The following MAGED1 variants were observed in gnomAD, a reference collection of about 807,000 sequenced individuals.
MAGED1 encodes the protein MAGE family member D1, also known as melanoma-associated antigen D1.
In MAGED1, 3 loss-of-function variants were observed where a neutral mutation model predicts 54.1. That is an observed-to-expected ratio of 0.06 (90% CI 0.03 to 0.14). The LOEUF (loss-of-function observed/expected upper bound fraction) is 0.14, where lower values mean the gene tolerates loss of function less well. Among genes scored for constraint, MAGED1 ranks in the 10% least tolerant of loss-of-function variants. The probability of loss-of-function intolerance (pLI) is 1.00; values close to 1 mark genes in which losing one functional copy is unlikely to be tolerated. For synonymous variants in MAGED1, 217 were observed against 227.3 expected (o/e 0.95, Z 0.41); for missense variants, 485 against 623.4 (o/e 0.78, Z 2.36).
intron 1 of MAGED1, among the ~76,000 whole-genome samples, chrX:51,843,626 C>A (rs932763697): frequency 1.8e-5 from 2 of 111,531 alleles, no homozygotes; most frequent in Non-Finnish European, 3.8e-5. Context: ...GACTTTTTAC[C>A]TCCAGAATTA....
intron 1 of MAGED1, among the ~76,000 whole-genome samples, chrX:51,845,155 G>A (rs962813394): frequency 2.7e-4 from 30 of 111,103 alleles, no homozygotes; most frequent in African/African-American, 9.8e-4. Context: ...TCGCTTGAAC[G>A]CAGGAGAATC....
rs138579722 is a variant in MAGED1, at chrX:51,814,067, T to C, written c.-37+10950T>C. ...CCATGTCTATGACTAGCTGGTTTTG[T>C]GTCTCAATTAGGCTCTGACCCTGAC... On this transcript the variant is annotated intron_variant, in intron 1 of 12. Transcript: ENST00000375772. Among the ~76,000 whole-genome samples, 215 of 111,392 alleles carry C rather than the reference T, an allele frequency of 1.9e-3. 1 individual carries two copies. The highest frequency in any genetic ancestry group is 6.1e-3 in the African/African-American group (187 of 30,605).
At chrX:51,833,773 A>G (rs1926151528) in intron 1 of MAGED1, among the ~76,000 whole-genome samples, 1 of 112,025 alleles carries the variant, frequency 8.9e-6, no homozygotes, top group African/African-American at 3.2e-5. Flanking sequence ...GAAATATTAA[A>G]ATATGCAGAA....
intron 1 of MAGED1, among the ~76,000 whole-genome samples, chrX:51,835,538 A>G (rs1264695745): frequency 9.0e-6 from 1 of 111,241 alleles, no homozygotes; most frequent in African/African-American, 3.3e-5. Flanking sequence ...TTCCTTTGTT[A>G]CTAATGTGTC....
At chrX:51,901,966 T>C in intron 12 of MAGED1, 28 bp downstream of exon 12, 1 of 1,167,512 alleles carries the variant, frequency 8.6e-7, no homozygotes, top group East Asian at 3.0e-5. Context: ...GATTGGGCAG[T>C]TAGGGTCTCT....
chrX:51,854,989 T>C (rs1927035729), intron 1 of MAGED1, among the ~76,000 whole-genome samples: 1 of 111,736 alleles, frequency 8.9e-6, no homozygotes, highest in African/African-American at 3.3e-5. Context: ...TTTAATCTCT[T>C]TTCATTGCCT....
chrX:51,878,588 A>G (rs1557362234), intron 1 of MAGED1, among the ~76,000 whole-genome samples: 2 of 111,604 alleles, frequency 1.8e-5, no homozygotes, highest in African/African-American at 6.5e-5. Flanking sequence ...AATTGGCACC[A>G]GAAATCCAGC....
chrX:51,890,980 A>G (rs781841930), upstream of MAGED1, among the ~76,000 whole-genome samples: 1 of 111,907 alleles, frequency 8.9e-6, no homozygotes, highest in African/African-American at 3.2e-5. Context: ...TTGTATTGCC[A>G]CGCTCCCCAC....
chrX:51,814,650 G>A (rs1602207831), intron 1 of MAGED1, among the ~76,000 whole-genome samples: 1 of 111,197 alleles, frequency 9.0e-6, no homozygotes, highest in Non-Finnish European at 1.9e-5. Context: ...ATATGAGGAC[G>A]GTGGTCTCAT....
chrX:51,897,515 C>T (rs782227011), intron 5 of MAGED1, 32 bp from the exon 6 acceptor site: 4 of 1,122,115 alleles, frequency 3.6e-6, no homozygotes, highest in South Asian at 3.7e-5. Flanking sequence ...GGCCCCCGCT[C>T]GGCTCAGATG....
chrX:51,834,587 T>C (rs782170008), intron 1 of MAGED1, among the ~76,000 whole-genome samples: 14 of 111,242 alleles, frequency 1.3e-4, no homozygotes, highest in Admixed American at 2.8e-4. Flanking sequence ...GTTGTTTCCT[T>C]TTTTTTATAG....
intron 1 of MAGED1, among the ~76,000 whole-genome samples, chrX:51,877,081 A>AT (rs1304248000): frequency 1.1e-4 from 12 of 109,842 alleles, no homozygotes; most frequent in African/African-American, 3.6e-4. Context: ...CATCCTCAGC[A>AT]TTTTTTTTAA....
At chrX:51,876,265 A>T (rs782603188) in intron 1 of MAGED1, among the ~76,000 whole-genome samples, 139 of 106,152 alleles carry the variant, frequency 1.3e-3, no homozygotes, top group Admixed American at 3.5e-3. Flanking sequence ...CATTCAGTTG[A>T]CTTTGTGGAT....
At chrX:51,874,469 A>G (rs1927798102) in intron 1 of MAGED1, among the ~76,000 whole-genome samples, 1 of 111,154 alleles carries the variant, frequency 9.0e-6, no homozygotes, top group Admixed American at 9.6e-5. Context: ...GAACAAAGGG[A>G]CTTATGCTCT....
intron 1 of MAGED1, among the ~76,000 whole-genome samples, chrX:51,876,648 A>T (rs782417076): frequency 9.0e-6 from 1 of 111,543 alleles, no homozygotes; most frequent in African/African-American, 3.3e-5. Context: ...GCTGAAAAGG[A>T]ATGGAATGAA....
chrX:51,803,432 AC>A (rs1217551100), intron 1 of MAGED1, among the ~76,000 whole-genome samples: 1 of 106,629 alleles, frequency 9.4e-6, no homozygotes, highest in Non-Finnish European at 1.9e-5. Flanking sequence ...CATTCCCTCT[AC>A]CACAGGTCAC....
intron 1 of MAGED1, among the ~76,000 whole-genome samples, chrX:51,874,233 T>G (rs1286171432): frequency 1.8e-5 from 2 of 111,410 alleles, no homozygotes; most frequent in Admixed American, 1.9e-4. Flanking sequence ...AAGAAGACAG[T>G]AATCGCAGAC....
rs782139434 is a variant in MAGED1 at position 51,835,910 on chromosome X, TC to T, written c.-37+32794del. On this transcript the variant is annotated intron_variant, in intron 1 of 12. Transcript: ENST00000375772. The stretch of plus-strand genomic sequence containing the variant: ...ACAGTCCACTGATATTTTTCATACT[TC>T]AAAAAAATTCTTTTCTGTTTCATTT... 1.5e-4 allele frequency among the ~76,000 whole-genome samples: 17 copies of T among 111,854 alleles called. No homozygotes were observed. The East Asian group carries it at 4.7e-3, about 31-fold the overall frequency.
rs1037699325 is a variant in MAGED1 at position 51,895,421 on chromosome X, T to G, written c.414T>G (p.Ala138=). ...FSQAATTGEL[A]ANKSEMAFKA... is the part of the protein sequence containing the mutation. ...AGGCAGCAACCACTGGTGAGTTAGC[T>G]GCTAACAAGTCTGAGATGGCCTTCA... Residue 138 remains alanine, a synonymous_variant, in exon 3 of 13, where the codon GCT becomes GCG. Coordinates refer to ENST00000326587, the MANE Select transcript of MAGED1 (RefSeq NM_006986.4). The G allele has an allele frequency of 5.8e-6, 7 of 1,205,454 alleles. No individual in the cohort carries two copies. Among genetic ancestry groups the G allele is most frequent in the Non-Finnish European group, 7.8e-6 (7 of 892,695 alleles).
Sources: gnomAD v4.1 joint callset for allele counts (sites outside exome capture counted in the v4.1 genomes callset) on GRCh38, gnomAD v4.1.1 for gene constraint, MANE v1.5 for transcripts, NCBI Gene and HGNC (gene_info 2026-07-23, HGNC 2026-07-21) for gene names.